The following TPRG1 variants were observed in gnomAD, a reference collection of about 807,000 sequenced individuals.
The protein encoded by TPRG1 is tumor protein p63 regulated 1.
Under a neutral mutation model 29.3 loss-of-function variants are expected in TPRG1, and 29 were observed. The ratio of observed to expected loss-of-function variants is 0.99; its 90% confidence interval spans 0.74 to 1.35. The LOEUF (loss-of-function observed/expected upper bound fraction) is 1.35. Ranked by LOEUF, TPRG1 falls within the 40% of genes most tolerant of loss-of-function variation. The pLI, the probability that TPRG1 is intolerant of heterozygous loss-of-function variation, is 0.00. For missense variants in TPRG1, 327 were observed against 335.0 expected (o/e 0.98, Z 0.19); for synonymous variants, 130 against 116.8 (o/e 1.11, Z -0.73).
At chr3:189,303,141 G>C (rs954037075) in intron 4 of TPRG1, among the ~76,000 whole-genome samples, 1 of 152,152 alleles carries the variant, frequency 6.6e-6, no homozygotes, top group African/African-American at 2.4e-5. Context: ...TATATTTGGT[G>C]AATTTAAGGA....
intron 4 of TPRG1, among the ~76,000 whole-genome samples, chr3:189,091,682 C>G (rs980759984): frequency 4.6e-5 from 7 of 152,006 alleles, no homozygotes; most frequent in African/African-American, 1.7e-4. Flanking sequence ...TAGTTTTTCT[C>G]TCTCCTCCTC....
intron 1 of TPRG1, among the ~76,000 whole-genome samples, chr3:189,125,908 A>T (rs1005627385): frequency 6.7e-6 from 1 of 149,774 alleles, no homozygotes; most frequent in South Asian, 2.1e-4. Flanking sequence ...AAATGTCTTT[A>T]GTGATCAGAA....
chr3:189,252,379 A>C (rs1364022932), intron 4 of TPRG1, among the ~76,000 whole-genome samples: 3 of 152,166 alleles, frequency 2.0e-5, no homozygotes, highest in African/African-American at 7.2e-5. Context: ...GAACTAGGAA[A>C]TAGTAAAAGG....
upstream of TPRG1, among the ~76,000 whole-genome samples, chr3:189,167,677 G>A (rs1728326262): frequency 6.6e-6 from 1 of 152,174 alleles, no homozygotes; most frequent in Non-Finnish European, 1.5e-5. Flanking sequence ...TTCTTGGTTG[G>A]GGTGGATCAG....
At chr3:189,071,067 GAAAAAAAAA>G (rs74731300) in intron 4 of TPRG1, among the ~76,000 whole-genome samples, 2 of 76,170 alleles carry the variant, frequency 2.6e-5, no homozygotes, top group Admixed American at 3.0e-4. Context: ...CAAAGAAAAA[GAAAAAAAAA>G]AAAAAAAAAG....
intron 1 of TPRG1, among the ~76,000 whole-genome samples, chr3:189,102,424 A>G (rs1337495370): frequency 7.2e-5 from 11 of 152,178 alleles, no homozygotes; most frequent in Admixed American, 5.9e-4. Flanking sequence ...ACATGTTCCA[A>G]TATTGGTGGC....
chr3:189,146,607 A>G (rs769482966), intron 3 of TPRG1, among the ~76,000 whole-genome samples: 2 of 152,148 alleles, frequency 1.3e-5, no homozygotes, highest in African/African-American at 4.8e-5. Flanking sequence ...CCCCCATATT[A>G]TAATTGCTGT....
chr3:189,286,491 G>A (rs1718077679), intron 4 of TPRG1, among the ~76,000 whole-genome samples: 1 of 152,062 alleles, frequency 6.6e-6, no homozygotes, highest in Non-Finnish European at 1.5e-5. Flanking sequence ...TTAAGTGAAT[G>A]CATGTTTATT....
Position 189,282,442 on chromosome 3 carries a change from G to A in TPRG1, c.480-27944G>A, listed in dbSNP as rs549061554. 3.5e-4 allele frequency among the ~76,000 whole-genome samples: 53 copies of A among 152,244 alleles called. No homozygotes were observed. In the South Asian group the frequency reaches 0.011, roughly 32 times the overall value. On this transcript the variant is annotated intron_variant, in intron 4 of 5. Transcript: ENST00000345063. ...TTCAAAAGACAGAGAGAGTGGGGGA[G>A]AGGGTATTAAACGTGTATTTTGTGC...
At chr3:189,004,981 G>A (rs1712212307) in intron 3 of TPRG1, among the ~76,000 whole-genome samples, 1 of 152,080 alleles carries the variant, frequency 6.6e-6, no homozygotes. Flanking sequence ...AAATCATTAT[G>A]TTAAGTGAAA....
rs181954274 is a variant in TPRG1, at chr3:189,115,677, C to A, written c.-743-11380C>A. Among the ~76,000 whole-genome samples the A allele has an allele frequency of 1.2e-3, 176 of 152,298 alleles. 2 individuals carry two copies. The highest frequency in any genetic ancestry group is 4.1e-3 in the African/African-American group (172 of 41,554). ...TTCCACAATGTTACAATGAATGAGA[C>A]ATGGTCTCTAAATTGTATTAGGTAT... is the stretch of plus-strand genomic sequence containing the variant. On this transcript the variant is annotated intron_variant, in intron 1 of 6. Coordinates refer to the TPRG1 transcript ENST00000412373.
intron 5 of TPRG1, among the ~76,000 whole-genome samples, chr3:189,312,109 CTT>C (rs1225732140): frequency 1.7e-4 from 13 of 76,458 alleles, no homozygotes; most frequent in South Asian, 3.7e-4. Flanking sequence ...TTCTTTGTTT[CTT>C]TCTTTGTTTC....
chr3:189,080,330 G>A (rs1170556619), intron 4 of TPRG1, among the ~76,000 whole-genome samples: 2 of 152,114 alleles, frequency 1.3e-5, no homozygotes, highest in African/African-American at 4.8e-5. Flanking sequence ...CTGGAGGGAG[G>A]TATTGCTTCC....
chr3:189,307,860 T>G (rs1721864635), intron 4 of TPRG1, among the ~76,000 whole-genome samples: 1 of 152,242 alleles, frequency 6.6e-6, no homozygotes, highest in African/African-American at 2.4e-5. Context: ...GATTTGTGCT[T>G]TTCCATGTTT....
chr3:189,176,372 A>G (rs192384126), intron 1 of TPRG1, among the ~76,000 whole-genome samples: 175 of 152,330 alleles, frequency 1.1e-3, no homozygotes, highest in African/African-American at 4.1e-3. Flanking sequence ...ATTGAAAGCT[A>G]TTGAATATCT....
At chr3:189,271,963 G>A (rs1183343195) in intron 4 of TPRG1, among the ~76,000 whole-genome samples, 2 of 152,178 alleles carry the variant, frequency 1.3e-5, no homozygotes, top group Non-Finnish European at 2.9e-5. Context: ...TGGGTATATC[G>A]AAAAGCCTAA....
chr3:189,081,133 T>G (rs1166064920), intron 4 of TPRG1, among the ~76,000 whole-genome samples: 2 of 152,092 alleles, frequency 1.3e-5, no homozygotes, highest in Admixed American at 1.3e-4. Flanking sequence ...TGACTGAAGA[T>G]GATAGCAAAA....
Position 189,322,962 on chromosome 3 carries a change from A to C in TPRG1, c.*2142A>C, listed in dbSNP as rs1372582190. ...TGAATTCCCTTCACATTTTGTAAAAACTGTCATATATAGGCTATCCCCTTA... is the reference window on the plus strand; with the variant it reads ...TGAATTCCCTTCACATTTTGTAAAACCTGTCATATATAGGCTATCCCCTTA... On this transcript the variant is annotated 3_prime_UTR_variant, in exon 6 of 6. Transcript: ENST00000345063. 6.6e-6 allele frequency: 1 copy of C among 152,126 alleles called. No homozygotes were observed. The highest frequency in any genetic ancestry group is 1.9e-4 in the East Asian group (1 of 5,200). 9.4% of individuals were successfully genotyped at this position (152,126 alleles called of 1,614,324 possible).
chr3:189,140,346 G>A (rs1020620669), intron 3 of TPRG1, among the ~76,000 whole-genome samples: 2 of 152,122 alleles, frequency 1.3e-5, no homozygotes, highest in African/African-American at 2.4e-5. Flanking sequence ...GGCACATTCC[G>A]AAGCTTTGTG....
Sources: gnomAD v4.1 joint callset for allele counts (sites outside exome capture counted in the v4.1 genomes callset) on GRCh38, gnomAD v4.1.1 for gene constraint, MANE v1.5 for transcripts, NCBI Gene and HGNC (gene_info 2026-07-23, HGNC 2026-07-21) for gene names.